Variants in AGBL1 observed in about 807,000 individuals in gnomAD.
AGBL1 encodes the protein cytosolic carboxypeptidase 4.
In AGBL1, 130 loss-of-function variants were observed where a neutral mutation model predicts 118.9. That is an observed-to-expected ratio of 1.09 (90% CI 0.95 to 1.26). AGBL1 has a LOEUF of 1.26. Ranked by LOEUF, AGBL1 falls within the 50% of genes most tolerant of loss-of-function variation. The probability of loss-of-function intolerance (pLI) is 0.00; values close to 1 mark genes in which losing one functional copy is unlikely to be tolerated. For synonymous variants in AGBL1, 555 were observed against 478.9 expected (o/e 1.16, Z -2.08); for missense variants, 1,584 against 1,298.1 (o/e 1.22, Z -3.38).
At chr15:86,346,491 C>A (rs773333973) in intron 17 of AGBL1, among the ~76,000 whole-genome samples, 7 of 151,992 alleles carry the variant, frequency 4.6e-5, no homozygotes, top group Admixed American at 3.9e-4. Flanking sequence ...GGACTACAGG[C>A]GCCCGCCACC....
At chr15:86,895,623 C>T (rs909709034) in intron 22 of AGBL1, among the ~76,000 whole-genome samples, 2 of 150,762 alleles carry the variant, frequency 1.3e-5, no homozygotes, top group African/African-American at 5.0e-5. Context: ...TTTTCTGCCT[C>T]GCTTTAACAT....
chr15:86,791,504 T>G (rs538632521), intron 22 of AGBL1, among the ~76,000 whole-genome samples: 1 of 152,074 alleles, frequency 6.6e-6, no homozygotes, highest in Non-Finnish European at 1.5e-5. Context: ...TCAGTCTTTT[T>G]CAAGCTCAGT....
At chr15:86,423,783 T>C (rs1004635618) in intron 18 of AGBL1, among the ~76,000 whole-genome samples, 6 of 152,112 alleles carry the variant, frequency 3.9e-5, no homozygotes, top group South Asian at 2.1e-4. Flanking sequence ...CCATTCCCAA[T>C]TGCTACAAAG....
chr15:86,322,506 T>C (rs2141845715), intron 17 of AGBL1, among the ~76,000 whole-genome samples: 1 of 152,328 alleles, frequency 6.6e-6, no homozygotes, highest in Non-Finnish European at 1.5e-5. Flanking sequence ...ACCTGGTAAA[T>C]CTATTTCCAA....
At position 86,248,007 on chromosome 15, in the gene AGBL1, G is replaced by A. The variant is rs574749433; in HGVS notation, c.735+128G>A. The A allele has an allele frequency of 2.3e-4, 287 of 1,231,810 alleles. 1 individual carries two copies. Among genetic ancestry groups the A allele is most frequent in the African/African-American group, 1.0e-3 (68 of 67,262 alleles). The allele number at this position is 1,231,810 out of a possible 1,614,324, so 76.3% of individuals were successfully genotyped here. ...CTATTTCTTGTTGCCTGCTAAGGGC[G>A]GATGTTCTGGATTTAAGGCTTCATT... On this transcript the variant is annotated intron_variant, in intron 7 of 22. Transcript: ENST00000614907.
chr15:86,576,608 C>T (rs775025856), intron 21 of AGBL1, among the ~76,000 whole-genome samples: 3 of 152,178 alleles, frequency 2.0e-5, no homozygotes, highest in Non-Finnish European at 4.4e-5. Context: ...CTTTAGGCTG[C>T]ACTTGAAATA....
chr15:86,590,471 G>A (rs1421888722), intron 21 of AGBL1, among the ~76,000 whole-genome samples: 8 of 152,190 alleles, frequency 5.3e-5, no homozygotes, highest in African/African-American at 1.7e-4. Context: ...CTTCAGCCAT[G>A]ATTGTAAGTT....
chr15:86,892,443 T>A (rs1211524004), intron 22 of AGBL1, among the ~76,000 whole-genome samples: 3 of 152,176 alleles, frequency 2.0e-5, no homozygotes, highest in Non-Finnish European at 2.9e-5. Context: ...TATCTATAAA[T>A]ATTTGTTGAT....
intron 18 of AGBL1, among the ~76,000 whole-genome samples, chr15:86,462,022 A>T (rs2082340355): frequency 6.6e-6 from 1 of 152,144 alleles, no homozygotes; most frequent in Non-Finnish European, 1.5e-5. Flanking sequence ...TTTTCCTTTG[A>T]CAATTACTTA....
chr15:86,889,291 G>C (rs889515992), intron 22 of AGBL1, among the ~76,000 whole-genome samples: 11 of 135,248 alleles, frequency 8.1e-5, no homozygotes, highest in Non-Finnish European at 1.4e-4. Context: ...AAATTAAACT[G>C]AAATCTAAGT....
chr15:87,021,673 A>T (rs2081666374), intron 24 of AGBL1, among the ~76,000 whole-genome samples: 1 of 152,156 alleles, frequency 6.6e-6, no homozygotes, highest in South Asian at 2.1e-4. Context: ...ACCCCATTAA[A>T]ACGTGAGCAA....
intron 6 of AGBL1, among the ~76,000 whole-genome samples, chr15:86,241,718 C>T (rs2078644160): frequency 6.6e-6 from 1 of 152,202 alleles, no homozygotes; most frequent in Non-Finnish European, 1.5e-5. Context: ...TTCAAGGCCC[C>T]ACCTCTTAAT....
At chr15:86,522,983 C>A (rs1234123931) in intron 19 of AGBL1, 44 bp downstream of exon 19, 15 of 1,586,838 alleles carry the variant, frequency 9.5e-6, no homozygotes, top group Non-Finnish European at 1.1e-5. Flanking sequence ...CTGCTTCCTT[C>A]TACCTTCCAG....
chr15:86,689,850 C>G (rs1452537726), intron 22 of AGBL1, among the ~76,000 whole-genome samples: 1 of 152,098 alleles, frequency 6.6e-6, no homozygotes, highest in Non-Finnish European at 1.5e-5. Flanking sequence ...AGGATAAATT[C>G]TGCTCAAAGT....
At chr15:86,305,981 A>G (rs1271710181) in intron 17 of AGBL1, among the ~76,000 whole-genome samples, 3 of 151,494 alleles carry the variant, frequency 2.0e-5, no homozygotes, top group African/African-American at 4.8e-5. Flanking sequence ...TTTTATACTT[A>G]ATAGTTTTTA....
intron 9 of AGBL1, 76 bp downstream of exon 9, chr15:86,258,107 G>C: frequency 6.8e-7 from 1 of 1,477,346 alleles, no homozygotes; most frequent in East Asian, 2.3e-5. Flanking sequence ...TCCTGTGTTT[G>C]CCCAAGCCCA....
chr15:86,811,419 T>G (rs2078786569), intron 22 of AGBL1, among the ~76,000 whole-genome samples: 1 of 152,174 alleles, frequency 6.6e-6, no homozygotes, highest in South Asian at 2.1e-4. Flanking sequence ...GTGGTTCTTT[T>G]TGGAGATACA....
At chr15:86,946,350 C>T (rs2080820830) in intron 23 of AGBL1, 1 of 151,988 alleles carries the variant, frequency 6.6e-6, no homozygotes. Context: ...TATTTGAATA[C>T]TTCACTGAGC....
intron 23 of AGBL1, among the ~76,000 whole-genome samples, chr15:86,923,547 G>A (rs998022162): frequency 2.0e-5 from 3 of 152,092 alleles, no homozygotes; most frequent in Admixed American, 1.3e-4. Flanking sequence ...ATCCATGAAC[G>A]CTTAAAGCAT....
Sources: gnomAD v4.1 joint callset for allele counts (sites outside exome capture counted in the v4.1 genomes callset) on GRCh38, gnomAD v4.1.1 for gene constraint, MANE v1.5 for transcripts, NCBI Gene and HGNC (gene_info 2026-07-23, HGNC 2026-07-21) for gene names.